The following AMBRA1 variants were observed in gnomAD, a reference collection of about 807,000 sequenced individuals.
The protein encoded by AMBRA1 is autophagy and beclin 1 regulator 1.
AMBRA1 carries 47 observed loss-of-function variants against 125.4 expected under a neutral mutation model. That is an observed-to-expected ratio of 0.37 (90% CI 0.30 to 0.48). The LOEUF is 0.48. Among genes scored for constraint, AMBRA1 ranks in the 20% least tolerant of loss-of-function variants. AMBRA1 has a pLI of 0.99. For synonymous variants in AMBRA1, 626 were observed against 655.5 expected (o/e 0.95, Z 0.69); for missense variants, 1,331 against 1,693.4 (o/e 0.79, Z 3.76).
At chr11:46,486,548 G>A (rs549239904) in intron 11 of AMBRA1, among the ~76,000 whole-genome samples, 2 of 152,296 alleles carry the variant, frequency 1.3e-5, no homozygotes, top group African/African-American at 4.8e-5. Context: ...CCTCCTGAAA[G>A]TAATTCCCTA....
At chr11:46,447,419 C>T (rs1261549561) in intron 11 of AMBRA1, among the ~76,000 whole-genome samples, 1 of 152,120 alleles carries the variant, frequency 6.6e-6, no homozygotes, top group African/African-American at 2.4e-5. Flanking sequence ...CCTGTAGTCT[C>T]AGTTACTTGG....
At chr11:46,547,898 AAGTT>A in intron 2 of AMBRA1, 23 bp from the exon 3 acceptor site, 1 of 1,569,242 alleles carries the variant, frequency 6.4e-7, no homozygotes, top group Non-Finnish European at 8.7e-7. Flanking sequence ...AAAAAAAAAA[AAGTT>A]AAAATACATG....
chr11:46,488,721 C>T (rs763511767), intron 11 of AMBRA1, among the ~76,000 whole-genome samples: 10 of 152,002 alleles, frequency 6.6e-5, no homozygotes, highest in Non-Finnish European at 1.5e-4. Flanking sequence ...AAACAAGTTC[C>T]AATAAAATTA....
At chr11:46,552,264 G>A (rs1385313365) in intron 1 of AMBRA1, among the ~76,000 whole-genome samples, 1 of 147,340 alleles carries the variant, frequency 6.8e-6, no homozygotes, top group Non-Finnish European at 1.5e-5. Flanking sequence ...AGCTACTTGG[G>A]AGGCTGAGGC....
At chr11:46,487,501 C>T (rs1034926896) in intron 11 of AMBRA1, among the ~76,000 whole-genome samples, 3 of 151,948 alleles carry the variant, frequency 2.0e-5, no homozygotes, top group Admixed American at 2.0e-4. Flanking sequence ...TAAGTTAACA[C>T]CACATTGTTG....
At chr11:46,520,593 CTTT>C (rs1225024226) in intron 7 of AMBRA1, among the ~76,000 whole-genome samples, 1 of 149,328 alleles carries the variant, frequency 6.7e-6, no homozygotes, top group African/African-American at 2.5e-5. Context: ...TTTTGTTTTT[CTTT>C]TCTTTTTTTT....
rs528117239 is a variant in AMBRA1 at position 46,410,453 on chromosome 11, T to C, written c.3117-85A>G. ...AGAGCTCCTGAAACTCCTGGCTTTGTGGACTGTGGCTGCCCATCCTTTCTC... is the reference window on the plus strand; with the variant it reads ...AGAGCTCCTGAAACTCCTGGCTTTGCGGACTGTGGCTGCCCATCCTTTCTC... On this transcript the variant is annotated intron_variant, in intron 15 of 17. Transcript: ENST00000683756. 2.5e-6 allele frequency: 3 copies of C among 1,222,586 alleles called. No homozygotes were observed. The East Asian group carries it at 7.0e-5, about 29-fold the overall frequency. 75.7% of individuals were successfully genotyped at this position (1,222,586 alleles called of 1,614,324 possible).
At chr11:46,435,087 C>T in intron 12 of AMBRA1, 50 bp from the exon 13 acceptor site, 1 of 1,490,904 alleles carries the variant, frequency 6.7e-7, no homozygotes, top group Non-Finnish European at 8.9e-7. Context: ...GGAGTTGATA[C>T]TGTAAAAATT....
At chr11:46,511,681 C>T (rs761822003) in intron 8 of AMBRA1, among the ~76,000 whole-genome samples, 13 of 152,312 alleles carry the variant, frequency 8.5e-5, no homozygotes, top group East Asian at 5.8e-4. Context: ...TTTTAGATCA[C>T]GAACAGAATC....
intron 17 of AMBRA1, among the ~76,000 whole-genome samples, chr11:46,407,216 A>G (rs1270582555): frequency 1.3e-5 from 2 of 152,148 alleles, no homozygotes; most frequent in Non-Finnish European, 2.9e-5. Flanking sequence ...AAATAAATAA[A>G]TAAATAAATA....
intron 1 of AMBRA1, among the ~76,000 whole-genome samples, chr11:46,590,840 G>C (rs2044570008): frequency 6.6e-6 from 1 of 151,190 alleles, no homozygotes; most frequent in African/African-American, 2.4e-5. Flanking sequence ...TTCAATCCGG[G>C]AAGTGGAGGT....
At chr11:46,568,380 C>T (rs368857938) in intron 1 of AMBRA1, among the ~76,000 whole-genome samples, 1 of 151,914 alleles carries the variant, frequency 6.6e-6, no homozygotes, top group East Asian at 1.9e-4. Context: ...ATTGCTTGAA[C>T]CCAGGAGGCA....
chr11:46,443,076 CA>C (rs965033930), intron 12 of AMBRA1, among the ~76,000 whole-genome samples: 2 of 152,176 alleles, frequency 1.3e-5, no homozygotes, highest in Non-Finnish European at 2.9e-5. Flanking sequence ...CCCTCAGCAG[CA>C]AACAATGTAA....
intron 11 of AMBRA1, among the ~76,000 whole-genome samples, chr11:46,478,304 CTGGATTATAAATGA>C (rs1228252123): frequency 6.6e-6 from 1 of 152,166 alleles, no homozygotes; most frequent in African/African-American, 2.4e-5. Context: ...TCAAGGAGCT[CTGGATTATAAATGA>C]TGCCACGGGT....
chr11:46,460,042 A>G (rs574490972), intron 11 of AMBRA1, among the ~76,000 whole-genome samples: 1 of 152,332 alleles, frequency 6.6e-6, no homozygotes, highest in Admixed American at 6.5e-5. Flanking sequence ...TCTGTGCTAT[A>G]TAACTGAAGA....
chr11:46,458,924 G>A (rs1204459575), intron 11 of AMBRA1, among the ~76,000 whole-genome samples: 1 of 152,220 alleles, frequency 6.6e-6, no homozygotes, highest in Admixed American at 6.5e-5. Flanking sequence ...AGAGGGACTG[G>A]CTGAATTATA....
chr11:46,505,664 A>AG lies in AMBRA1; in HGVS notation c.2339+2526dup, dbSNP rs1951007928. Among the ~76,000 whole-genome samples the AG allele has an allele frequency of 4.1e-5, 5 of 122,556 alleles. No homozygotes were observed. The South Asian group carries it at 1.5e-3, about 36-fold the overall frequency. The allele number at this position is 122,556 out of a possible 152,430, so 80.4% of individuals were successfully genotyped here. A position where few individuals can be genotyped will look rare whatever the true frequency, so the allele number is the denominator to read the frequency against. The stretch of plus-strand genomic sequence containing the variant: ...GAAATGTAAATTCAGGTCATGCTAA[A>AG]GCCAGGGGAGGGGGTGGGGGAGAGC... On this transcript the variant is annotated intron_variant, in intron 9 of 17. Transcript: ENST00000683756.
intron 11 of AMBRA1, among the ~76,000 whole-genome samples, chr11:46,470,371 G>A (rs891672714): frequency 4.6e-5 from 7 of 152,108 alleles, no homozygotes; most frequent in East Asian, 1.9e-4. Context: ...GGCGGATCAC[G>A]AGGTCAGGAG....
intron 11 of AMBRA1, among the ~76,000 whole-genome samples, chr11:46,463,083 T>G (rs1472411692): frequency 6.6e-6 from 1 of 152,230 alleles, no homozygotes; most frequent in Non-Finnish European, 1.5e-5. Flanking sequence ...AAGTCTTTTC[T>G]AATCTCACTA....
Sources: allele counts gnomAD v4.1 joint callset (sites outside exome capture counted in the v4.1 genomes callset), GRCh38; gene constraint gnomAD v4.1.1; transcripts MANE v1.5; gene names NCBI Gene and HGNC (gene_info 2026-07-23, HGNC 2026-07-21).